SDK2: variants seen among roughly 807,000 people sequenced by gnomAD.
SDK2 encodes sidekick cell adhesion molecule 2.
A neutral mutation model predicts 253.9 loss-of-function variants in SDK2; 105 were observed. That is an observed-to-expected ratio of 0.41 (90% CI 0.35 to 0.49). The LOEUF (loss-of-function observed/expected upper bound fraction) is 0.49. Ranked by LOEUF, SDK2 falls within the 20% of genes least tolerant of loss-of-function variation. The pLI is 0.06. For synonymous variants in SDK2, 1,249 were observed against 1,234.9 expected, an observed-to-expected ratio of 1.01 and a Z score of -0.24; for missense variants, 2,608 against 3,003.0, an observed-to-expected ratio of 0.87 and a Z score of 3.07.
Position 73,365,411 on chromosome 17 carries a change from A to G in SDK2, c.5168-16T>C. On this transcript the variant is annotated splice_polypyrimidine_tract_variant and intron_variant, in intron 37 of 44. Coordinates refer to ENST00000392650, the MANE Select transcript of SDK2 (RefSeq NM_001144952.2). ...GCGCTGGGGGCTGCGGGAGACAGCA[A>G]AGGGTTTTTGTTTCCTTCTTCTGTG... 6.3e-7 allele frequency: 1 copy of G among 1,591,888 alleles called. No individual in the cohort carries two copies. Among genetic ancestry groups the G allele is most frequent in the Non-Finnish European group, 8.5e-7 (1 of 1,170,854 alleles).
chr17:73,572,757 A>G (rs1358528498), intron 1 of SDK2, among the ~76,000 whole-genome samples: 2 of 152,178 alleles, frequency 1.3e-5, no homozygotes, highest in Admixed American at 6.5e-5. Flanking sequence ...GGGCATCAAC[A>G]TCTTCCTATC....
intron 27 of SDK2, among the ~76,000 whole-genome samples, chr17:73,392,250 T>TGAC (rs199816495): frequency 0.03 from 4,544 of 150,324 alleles, 233 homozygotes; most frequent in African/African-American, 0.1. Context: ...CAGAACAGAA[T>TGAC]AAGATGTCTG....
intron 8 of SDK2, among the ~76,000 whole-genome samples, chr17:73,436,504 G>A (rs1175641143): frequency 1.3e-5 from 2 of 150,988 alleles, no homozygotes; most frequent in African/African-American, 4.9e-5. Context: ...TTGTACCCGG[G>A]AGGCAGAGGT....
intron 1 of SDK2, among the ~76,000 whole-genome samples, chr17:73,614,798 G>GGAGGGAGGGAGGGGGAC (rs2046031301): frequency 9.4e-6 from 1 of 106,342 alleles, no homozygotes; most frequent in Non-Finnish European, 1.9e-5. Flanking sequence ...TTGAAAAGGG[G>GGAGGGAGGGAGGGGGAC]AAAGGAGGGA....
At chr17:73,404,093 G>A (rs924329565) in intron 18 of SDK2, among the ~76,000 whole-genome samples, 1 of 152,006 alleles carries the variant, frequency 6.6e-6, no homozygotes, top group Non-Finnish European at 1.5e-5. Flanking sequence ...CAATATCACT[G>A]GGCCTTACCC....
intron 1 of SDK2, among the ~76,000 whole-genome samples, chr17:73,598,033 A>T (rs145491163): frequency 6.0e-4 from 91 of 152,220 alleles, no homozygotes; most frequent in African/African-American, 2.1e-3. Context: ...GGTTTGGGTC[A>T]CTATTCTGAG....
chr17:73,416,199 A>ATTTTTTTTTTT lies in SDK2; in HGVS notation c.2187-218_2187-208dup, dbSNP rs55713710. 6.1e-4 allele frequency among the ~76,000 whole-genome samples: 73 copies of ATTTTTTTTTTT among 120,290 alleles called. 4 individuals carry two copies. Among genetic ancestry groups the ATTTTTTTTTTT allele is most frequent in the African/African-American group, 1.2e-3 (37 of 31,682 alleles). The allele number at this position is 120,290 out of a possible 152,430, so 78.9% of individuals were successfully genotyped here. Reference sequence around the variant, plus strand: ...TAGTGCAACCGAAGAAATGAATTCAATTTTTTTTTTTTTTTGAGACGGAGT... The same window carrying ATTTTTTTTTTT: ...TAGTGCAACCGAAGAAATGAATTCAATTTTTTTTTTTTTTTTTTTTTTTTTTGAGACGGAGT... On this transcript the variant is annotated intron_variant, in intron 16 of 44. Coordinates refer to ENST00000392650, the MANE Select transcript of SDK2 (RefSeq NM_001144952.2).
In SDK2 at chr17:73,447,714, A is replaced by T. The variant is rs1407676973; in HGVS notation, c.514T>A (p.Ser172Thr). ...ITLENTLVIL[S>T]TVAPDAGRYY... ...CGACCTGCGTCAGGGGCCACCGTTG[A>T]CAGGATGACAAGGGTGTTCTCCAGC... Residue 172 changes from serine to threonine, a missense_variant, in exon 5 of 45, where the codon TCA becomes ACA. By Grantham distance (58) the Ser-to-Thr change is moderately conservative (BLOSUM62 1). Coordinates refer to ENST00000392650, the MANE Select transcript of SDK2 (RefSeq NM_001144952.2). This position sits in a 1 kb window ranked among gnomAD's most constrained non-coding sequence, Gnocchi z 4.0. 6.4e-7 allele frequency: 1 copy of T among 1,551,738 alleles called. No homozygotes were observed. The highest frequency in any genetic ancestry group is 8.7e-7 in the Non-Finnish European group (1 of 1,146,996).
chr17:73,497,186 C>T lies in SDK2; in HGVS notation c.224+10252G>A, dbSNP rs529831734. On this transcript the variant is annotated intron_variant, in intron 2 of 44. Transcript: ENST00000392650. ...GTGCTGGGATTATAGGCGTGAGCCA[C>T]TGCGCCCAGCCTGAGCTCATGATTT... Among the ~76,000 whole-genome samples, 9 of 152,358 alleles carry T rather than the reference C, an allele frequency of 5.9e-5. No homozygotes were observed. The South Asian group carries it at 6.2e-4, about 11-fold the overall frequency.
At chr17:73,520,157 G>C (rs2064065884) in intron 1 of SDK2, 5 of 152,452 alleles carry the variant, frequency 3.3e-5, no homozygotes, top group Admixed American at 3.3e-4. Context: ...CTCCTCCCCA[G>C]TCACTCCTAG....
chr17:73,339,593 T>C (rs1281157675), intron 44 of SDK2, among the ~76,000 whole-genome samples: 1 of 151,978 alleles, frequency 6.6e-6, no homozygotes, highest in Non-Finnish European at 1.5e-5. Context: ...GGAATCACTG[T>C]GTTGCCCAGG....
chr17:73,598,220 C>T (rs1379475608), intron 1 of SDK2, among the ~76,000 whole-genome samples: 2 of 152,146 alleles, frequency 1.3e-5, no homozygotes, highest in Non-Finnish European at 2.9e-5. Flanking sequence ...ATACAGGTGA[C>T]AGGAGTAGGC....
intron 2 of SDK2, among the ~76,000 whole-genome samples, chr17:73,498,418 C>A (rs1462361867): frequency 6.6e-6 from 1 of 152,218 alleles, no homozygotes; most frequent in Non-Finnish European, 1.5e-5. Context: ...CCAGTGAGAA[C>A]AAACATTTCC....
rs375670311 is a variant in SDK2, at chr17:73,561,923, C to T, written c.65-54326G>A. ...GGTGGATCACCTGAGGTCAGGAGTT[C>T]GAGACCAGCCTGATCAACATGGTGA... is the stretch of plus-strand genomic sequence containing the variant. On this transcript the variant is annotated intron_variant, in intron 1 of 44. Coordinates refer to ENST00000392650, the MANE Select transcript of SDK2 (RefSeq NM_001144952.2). Among the ~76,000 whole-genome samples, 109 of 152,222 alleles carry T rather than the reference C, an allele frequency of 7.2e-4. 3 individuals are homozygous for T. The highest frequency in any genetic ancestry group is 2.5e-3 in the African/African-American group (102 of 41,528).
intron 17 of SDK2, 113 bp from the exon 18 acceptor site, chr17:73,414,872 C>A: frequency 1.5e-6 from 1 of 654,420 alleles, no homozygotes; most frequent in Non-Finnish European, 2.8e-6. Context: ...TTGCACCCCC[C>A]TACCCCACCC....
chr17:73,594,133 C>A (rs1358418163), intron 1 of SDK2, among the ~76,000 whole-genome samples: 2 of 152,346 alleles, frequency 1.3e-5, no homozygotes, highest in Non-Finnish European at 2.9e-5. Flanking sequence ...GGCCTCCCAA[C>A]GTCTGGGAGC....
At chr17:73,342,456 G>C (rs143430818) in intron 44 of SDK2, among the ~76,000 whole-genome samples, 1 of 152,210 alleles carries the variant, frequency 6.6e-6, no homozygotes. Context: ...GGCTGGCCTG[G>C]AGCAGCGGGG....
chr17:73,530,482 T>C (rs2064160525), intron 1 of SDK2, among the ~76,000 whole-genome samples: 1 of 152,088 alleles, frequency 6.6e-6, no homozygotes, highest in Admixed American at 6.5e-5. Context: ...CCTCGACACC[T>C]GGGGATTACA....
At chr17:73,380,365 G>A (rs892249102) in intron 34 of SDK2, among the ~76,000 whole-genome samples, 1 of 152,186 alleles carries the variant, frequency 6.6e-6, no homozygotes, top group African/African-American at 2.4e-5. Context: ...TGGGTTTCAG[G>A]AAGAACCACG....
Sources: allele counts gnomAD v4.1 joint callset (sites outside exome capture counted in the v4.1 genomes callset), GRCh38; gene constraint gnomAD v4.1.1; non-coding constraint Gnocchi (gnomAD v3.1); transcripts MANE v1.5; gene names NCBI Gene and HGNC (gene_info 2026-07-23, HGNC 2026-07-21).